The following PCDHA3 variants were observed in gnomAD, a reference collection of about 807,000 sequenced individuals.
PCDHA3 encodes protocadherin alpha-3.
PCDHA3 carries 41 observed loss-of-function variants against 62.2 expected under a neutral mutation model. The observed-to-expected ratio is 0.66, with a 90% CI of 0.51 to 0.86. The LOEUF is 0.86. PCDHA3 is among the 40% of genes least tolerant of loss of function. The pLI is 0.00. For synonymous variants in PCDHA3, 640 were observed against 555.4 expected (o/e 1.15, Z -2.14); for missense variants, 1,304 against 1,241.2 (o/e 1.05, Z -0.76).
intron 1 of PCDHA3, chr5:140,867,337 G>A (rs1299796408): frequency 6.6e-6 from 1 of 152,004 alleles, no homozygotes; most frequent in African/African-American, 2.4e-5. Flanking sequence ...GTTTTGATTA[G>A]AGGCTACTAT....
intron 3 of PCDHA3, among the ~76,000 whole-genome samples, chr5:141,007,475 C>T (rs575810038): frequency 1.2e-4 from 18 of 151,396 alleles, no homozygotes; most frequent in Non-Finnish European, 2.1e-4. Flanking sequence ...GGCTGAGGCA[C>T]GAGAATTACT....
chr5:140,976,354 C>A (rs1331334402), intron 1 of PCDHA3, among the ~76,000 whole-genome samples: 2 of 151,960 alleles, frequency 1.3e-5, no homozygotes, highest in Non-Finnish European at 2.9e-5. Context: ...TGTTCAAGAC[C>A]AGCCTGGCCA....
At chr5:140,941,299 TC>T (rs1554214293) in intron 1 of PCDHA3, among the ~76,000 whole-genome samples, 2 of 144,342 alleles carry the variant, frequency 1.4e-5, no homozygotes, top group African/African-American at 2.5e-5. Context: ...TTTCTTTCTT[TC>T]TTTCTTTTTC....
rs79396364 is a variant in PCDHA3 at position 140,939,917 on chromosome 5, T to C, written c.2395-39032T>C. On this transcript the variant is annotated intron_variant, in intron 1 of 3. Transcript: ENST00000522353. ...TATTCTGCATTCTTTTTTATTCTTT[T>C]TGTTTGCTTATTTTATCAGTTACTG... is the stretch of plus-strand genomic sequence containing the variant. Among the ~76,000 whole-genome samples, 828 of 152,316 alleles carry C rather than the reference T, an allele frequency of 5.4e-3. 3 individuals carry two copies. The highest frequency in any genetic ancestry group is 0.019 in the African/African-American group (797 of 41,560).
intron 1 of PCDHA3, chr5:140,834,620 G>A (rs1773151452): frequency 1.9e-6 from 3 of 1,614,080 alleles, no homozygotes; most frequent in Non-Finnish European, 2.5e-6. Flanking sequence ...AGGTAAATCT[G>A]CAGAATGGCA....
chr5:140,850,053 C>T, intron 1 of PCDHA3: 4 of 1,596,534 alleles, frequency 2.5e-6, no homozygotes, highest in Non-Finnish European at 3.4e-6. Context: ...GGTGTACGCG[C>T]TGCAGCCGTT....
At chr5:140,881,944 A>C in intron 1 of PCDHA3, 1 of 302,118 alleles carries the variant, frequency 3.3e-6, no homozygotes, top group East Asian at 5.9e-5. Flanking sequence ...GTTTCTGGGA[A>C]GGTAAACATT....
At chr5:140,948,273 T>A (rs1563231021) in intron 1 of PCDHA3, among the ~76,000 whole-genome samples, 1 of 151,602 alleles carries the variant, frequency 6.6e-6, no homozygotes, top group South Asian at 2.1e-4. Context: ...ATGTAGAATA[T>A]CTGTAAATAA....
At chr5:140,822,230 C>T (rs1767239116) in intron 1 of PCDHA3, 2 of 1,614,084 alleles carry the variant, frequency 1.2e-6, no homozygotes, top group Non-Finnish European at 8.5e-7. Flanking sequence ...TCGCGGTTTC[C>T]GCTAGAGGGC....
chr5:140,823,902 G>C, intron 1 of PCDHA3: 1 of 1,614,050 alleles, frequency 6.2e-7, no homozygotes, highest in Non-Finnish European at 8.5e-7. Context: ...TGTCCAGCCT[G>C]CTGGTGCTCA....
intron 1 of PCDHA3, chr5:140,968,479 C>T (rs2096250195): frequency 1.2e-6 from 2 of 1,614,010 alleles, no homozygotes; most frequent in South Asian, 2.2e-5. Flanking sequence ...ATGTGGTGGA[C>T]ATGAATGACC....
chr5:140,941,191 T>TTTCTTTCTTTCTTTC lies in PCDHA3; in HGVS notation c.2395-37756_2395-37755insCTTTCTTTCTTTCTT, dbSNP rs1487503403. Among the ~76,000 whole-genome samples, 17 of 93,258 alleles carry TTTCTTTCTTTCTTTC rather than the reference T, an allele frequency of 1.8e-4. No individual in the cohort carries two copies. The South Asian group carries it at 2.0e-3, about 11-fold the overall frequency. The allele number at this position is 93,258 out of a possible 152,430, so 61.2% of individuals were successfully genotyped here. A position where few individuals can be genotyped will look rare whatever the true frequency, so the allele number is the denominator to read the frequency against. ...CATCTTGAACATCCTGCTTCTTTTT[T>TTTCTTTCTTTCTTTC]TTTCTTTCTTCCTTTCTTTCTTCCT... On this transcript the variant is annotated intron_variant, in intron 1 of 3. Coordinates refer to ENST00000522353, the MANE Select transcript of PCDHA3 (RefSeq NM_018906.3).
chr5:140,841,854 T>C (rs2150324158), intron 1 of PCDHA3: 6 of 1,613,730 alleles, frequency 3.7e-6, no homozygotes, highest in Non-Finnish European at 5.1e-6. Context: ...CATGATTACT[T>C]CATGCTAGAT....
chr5:140,841,736 A>C, intron 1 of PCDHA3: 1 of 1,613,716 alleles, frequency 6.2e-7, no homozygotes, highest in South Asian at 1.1e-5. Flanking sequence ...AAAAGACCAA[A>C]AGCTGTTTGT....
At chr5:140,828,667 T>G in intron 1 of PCDHA3, 3 of 1,614,172 alleles carry the variant, frequency 1.9e-6, no homozygotes, top group Non-Finnish European at 2.5e-6. Flanking sequence ...ATAAACAAAT[T>G]GGGCTCTTAT....
intron 3 of PCDHA3, among the ~76,000 whole-genome samples, chr5:141,007,087 A>G (rs1554261040): frequency 6.6e-6 from 1 of 152,112 alleles, no homozygotes; most frequent in African/African-American, 2.4e-5. Context: ...AATAGAGAAG[A>G]GAGTCTAGGG....
intron 1 of PCDHA3, among the ~76,000 whole-genome samples, chr5:140,942,598 A>C: frequency 7.1e-6 from 1 of 140,144 alleles, no homozygotes; most frequent in East Asian, 2.1e-4. Flanking sequence ...ATATAATTAT[A>C]GTGTTTATAT....
chr5:140,821,905 G>T (rs2150111828), intron 1 of PCDHA3: 1 of 1,614,238 alleles, frequency 6.2e-7, no homozygotes, highest in Non-Finnish European at 8.5e-7. Flanking sequence ...CGGAACCTTC[G>T]TTGGCCGCAT....
At chr5:140,975,304 G>A (rs1395392874) in intron 1 of PCDHA3, among the ~76,000 whole-genome samples, 2 of 152,200 alleles carry the variant, frequency 1.3e-5, no homozygotes, top group African/African-American at 2.4e-5. Context: ...AAGAGCTCAT[G>A]TGATTATGTC....
Sources: gnomAD v4.1 joint callset for allele counts (sites outside exome capture counted in the v4.1 genomes callset) on GRCh38, gnomAD v4.1.1 for gene constraint, MANE v1.5 for transcripts, NCBI Gene and HGNC (gene_info 2026-07-23, HGNC 2026-07-21) for gene names.